The following FAM83A variants were observed in gnomAD, a reference collection of about 807,000 sequenced individuals.
FAM83A encodes protein FAM83A.
FAM83A carries 21 observed loss-of-function variants against 24.4 expected under a neutral mutation model. The observed-to-expected ratio is 0.86, with a 90% CI of 0.61 to 1.24. The LOEUF is 1.24. Ranked by LOEUF, FAM83A falls within the 50% of genes most tolerant of loss-of-function variation. The pLI, the probability that FAM83A is intolerant of heterozygous loss-of-function variation, is 0.00. For missense variants in FAM83A, 617 were observed against 579.8 expected (o/e 1.06, Z -0.66); for synonymous variants, 270 against 252.4 (o/e 1.07, Z -0.66).
intron 3 of FAM83A, among the ~76,000 whole-genome samples, chr8:123,196,260 C>T (rs182924995): frequency 1.3e-5 from 2 of 152,374 alleles, no homozygotes; most frequent in South Asian, 2.1e-4. Context: ...GATCCACCCA[C>T]CTCAGCCCCC....
At chr8:123,206,486 T>TGGTTAAAGGCGCGCTGGCCCTCCA (rs1824555584) in intron 3 of FAM83A, among the ~76,000 whole-genome samples, 4 of 152,156 alleles carry the variant, frequency 2.6e-5, no homozygotes, top group Admixed American at 2.6e-4. Context: ...GACCCCTGTG[T>TGGTTAAAGGCGCGCTGGCCCTCCA]GGTTAAAGGC....
At position 123,207,480 on chromosome 8, in the gene FAM83A, C is replaced by G. The variant is rs777524763; in HGVS notation, c.1097C>G (p.Pro366Arg). 2.5e-6 allele frequency: 4 copies of G among 1,585,054 alleles called. No individual in the cohort carries two copies. The African/African-American group carries it at 5.4e-5, about 21-fold the overall frequency. The change falls in exon 4 of 4, where the codon CCG (proline) becomes CGG (arginine). Residue 366 changes from proline to arginine, a missense_variant. By Grantham distance (103) the Pro-to-Arg change is moderately radical. Transcript: ENST00000690554. ...CCCGCGGCCCCACACCCGCCTCCAC[C>G]GCCCCGGTTCCAGCCCCACCAAGGC...
chr8:123,208,891 G>A (rs1209000170), exon 4 of FAM83A: 2 of 969,416 alleles, frequency 2.1e-6, no homozygotes, highest in Admixed American at 6.2e-5. Flanking sequence ...TTGAACCCAG[G>A]AAGCAGAGGT....
chr8:123,182,417 G>C (rs1823625437), upstream of FAM83A: 6 of 369,780 alleles, frequency 1.6e-5, no homozygotes, highest in South Asian at 1.2e-4. Flanking sequence ...AGGCAGGCAG[G>C]CCTCCTTCAG....
intron 3 of FAM83A, among the ~76,000 whole-genome samples, chr8:123,203,993 T>C (rs1367499566): frequency 6.7e-6 from 1 of 148,368 alleles, no homozygotes; most frequent in Non-Finnish European, 1.5e-5. Context: ...AAAAATTCTA[T>C]AATTATGGAA....
Position 123,207,140 on chromosome 8 carries a change from C to G in FAM83A, c.774-17C>G. ...TCCCCCTTCTCCTCCATCACTCTCT[C>G]TCCTCTTCCCCTCCAGCTTCACCTG... On this transcript the variant is annotated splice_polypyrimidine_tract_variant and intron_variant, in intron 3 of 3. Coordinates refer to ENST00000690554, the Ensembl canonical transcript of FAM83A. The G allele has an allele frequency of 1.1e-5, 15 of 1,323,294 alleles. No individual in the cohort carries two copies. Among genetic ancestry groups the G allele is most frequent in the Non-Finnish European group, 1.5e-5 (15 of 999,656 alleles). The allele number at this position is 1,323,294 out of a possible 1,614,324, so 82.0% of individuals were successfully genotyped here. A position where few individuals can be genotyped will look rare whatever the true frequency, so the allele number is the denominator to read the frequency against.
intron 1 of FAM83A, among the ~76,000 whole-genome samples, chr8:123,187,272 C>T (rs1823833804): frequency 6.6e-6 from 1 of 152,128 alleles, no homozygotes; most frequent in Non-Finnish European, 1.5e-5. Context: ...CAGCGGTTCC[C>T]AAAGCATGGT....
chr8:123,191,524 C>T (rs562680829), intron 1 of FAM83A, among the ~76,000 whole-genome samples: 2 of 152,306 alleles, frequency 1.3e-5, no homozygotes, highest in South Asian at 2.1e-4. Context: ...CTTTTCCCTT[C>T]CTCCTCTGCA....
chr8:123,194,277 C>A, intron 3 of FAM83A, 129 bp downstream of exon 3: 1 of 1,327,346 alleles, frequency 7.5e-7, no homozygotes, highest in Non-Finnish European at 1.0e-6. Flanking sequence ...CTGCCCGGAG[C>A]TGGAGCTGCA....
chr8:123,208,867 G>A (rs1824646258), exon 4 of FAM83A: 1 of 957,086 alleles, frequency 1.0e-6, no homozygotes, highest in African/African-American at 1.8e-5. Flanking sequence ...ATTAGGCTGA[G>A]ACAGGAGAAT....
chr8:123,200,199 A>G (rs1339361100), intron 3 of FAM83A, among the ~76,000 whole-genome samples: 2 of 152,242 alleles, frequency 1.3e-5, no homozygotes, highest in East Asian at 3.8e-4. Context: ...TCTCTTTCAT[A>G]TAGCAAAGTG....
chr8:123,198,058 G>A (rs1824220182), intron 3 of FAM83A, among the ~76,000 whole-genome samples: 1 of 152,166 alleles, frequency 6.6e-6, no homozygotes, highest in South Asian at 2.1e-4. Flanking sequence ...TTGAACCTGG[G>A]AGGCGTAGGC....
chr8:123,209,105 C>T lies in FAM83A; in HGVS notation c.*1417C>T, dbSNP rs1017784296. 2.2e-4 allele frequency: 230 copies of T among 1,035,794 alleles called. No homozygotes were observed. Among genetic ancestry groups the T allele is most frequent in the Non-Finnish European group, 2.5e-4 (219 of 863,414 alleles). The allele number at this position is 1,035,794 out of a possible 1,614,324, so 64.2% of individuals were successfully genotyped here. The stretch of plus-strand genomic sequence containing the variant: ...GATAGTGGGGTCAGTGGTATGTGAT[C>T]CAGGCTGGGGAGCCAGAGGGGAGCA... On this transcript the variant is annotated 3_prime_UTR_variant, in exon 4 of 4. Transcript: ENST00000690554. This position sits in a 1 kb window ranked among gnomAD's most constrained non-coding sequence, Gnocchi z 4.7.
At chr8:123,199,078 C>T (rs770559601) in intron 3 of FAM83A, among the ~76,000 whole-genome samples, 1 of 152,174 alleles carries the variant, frequency 6.6e-6, no homozygotes, top group Non-Finnish European at 1.5e-5. Flanking sequence ...CCTGCCATCT[C>T]TCTGGGCCTG....
intron 3 of FAM83A, among the ~76,000 whole-genome samples, chr8:123,206,519 A>G (rs944109124): frequency 6.6e-6 from 1 of 152,140 alleles, no homozygotes; most frequent in Admixed American, 6.5e-5. Flanking sequence ...CACATTCCAC[A>G]GGTGGAGACG....
At chr8:123,198,788 G>A (rs368603402) in intron 3 of FAM83A, among the ~76,000 whole-genome samples, 2 of 152,172 alleles carry the variant, frequency 1.3e-5, no homozygotes, top group East Asian at 1.9e-4. Flanking sequence ...TTTGCCTAGC[G>A]TGGTGGTGGC....
chr8:123,195,977 T>C (rs1257181178), intron 3 of FAM83A, among the ~76,000 whole-genome samples: 1 of 152,268 alleles, frequency 6.6e-6, no homozygotes, highest in Admixed American at 6.5e-5. Context: ...AACTTGCTGA[T>C]AGATTTTAAG....
At chr8:123,208,886 C>T in exon 4 of FAM83A, 1 of 966,706 alleles carries the variant, frequency 1.0e-6, no homozygotes, top group Non-Finnish European at 1.2e-6. Context: ...ATTGCTTGAA[C>T]CCAGGAAGCA....
At chr8:123,193,326 T>C (rs1186523341) in intron 2 of FAM83A, among the ~76,000 whole-genome samples, 1 of 152,246 alleles carries the variant, frequency 6.6e-6, no homozygotes, top group Non-Finnish European at 1.5e-5. Flanking sequence ...AAGGCAGGGC[T>C]GGGCTTGCCT....
Sources: allele counts gnomAD v4.1 joint callset (sites outside exome capture counted in the v4.1 genomes callset), GRCh38; gene constraint gnomAD v4.1.1; non-coding constraint Gnocchi (gnomAD v3.1); transcripts MANE v1.5; gene names NCBI Gene and HGNC (gene_info 2026-07-23, HGNC 2026-07-21).